NLRP12: variants seen among roughly 807,000 people sequenced by gnomAD.
The protein encoded by NLRP12 is NACHT, LRR and PYD domains-containing protein 12.
Under a neutral mutation model 91.2 loss-of-function variants are expected in NLRP12, and 108 were observed. That is an observed-to-expected ratio of 1.18 (90% CI 1.01 to 1.39). The LOEUF is 1.39. NLRP12 is among the 40% of genes most tolerant of loss of function. The pLI, the probability that NLRP12 is intolerant of heterozygous loss-of-function variation, is 0.00. For synonymous variants in NLRP12, 613 were observed against 566.7 expected, an observed-to-expected ratio of 1.08 and a Z score of -1.16; for missense variants, 1,530 against 1,352.7, an observed-to-expected ratio of 1.13 and a Z score of -2.06.
At chr19:53,818,361 C>T (rs1179530507) in intron 1 of NLRP12, among the ~76,000 whole-genome samples, 1 of 151,678 alleles carries the variant, frequency 6.6e-6, no homozygotes, top group East Asian at 1.9e-4. Context: ...GGTGTGGCCA[C>T]ATTTTTTTTT....
rs58572468 is a variant in NLRP12 at position 53,809,542 on chromosome 19, C to G, written c.2072+45G>C. ...CAAAAAAAAAAAAAAAAAAAAAAAACACACGAACCTAAGCAGCCCCAGGGG... is the reference window on the plus strand; with the variant it reads ...CAAAAAAAAAAAAAAAAAAAAAAAAGACACGAACCTAAGCAGCCCCAGGGG... On this transcript the variant is annotated intron_variant, in intron 3 of 9. Coordinates refer to ENST00000324134, the MANE Select transcript of NLRP12 (RefSeq NM_144687.4). The G allele has an allele frequency of 0.4, 379,211 of 942,532 alleles. 58,167 individuals are homozygous for G. The highest frequency in any genetic ancestry group is 0.64 in the African/African-American group (36,008 of 56,612). 58.4% of individuals were successfully genotyped at this position (942,532 alleles called of 1,614,324 possible).
chr19:53,805,759 C>T, intron 4 of NLRP12: 1 of 389,666 alleles, frequency 2.6e-6, no homozygotes, highest in Non-Finnish European at 4.9e-6. Context: ...TCAAGTGATC[C>T]TCCCCATCTG....
intron 8 of NLRP12, among the ~76,000 whole-genome samples, chr19:53,797,150 G>A (rs898322730): frequency 1.4e-5 from 2 of 144,686 alleles, no homozygotes; most frequent in African/African-American, 5.0e-5. Context: ...TTTTTTTCTC[G>A]AGATGGAGTC....
At chr19:53,823,494 A>AT (rs1203113395) in intron 1 of NLRP12, among the ~76,000 whole-genome samples, 1 of 82,074 alleles carries the variant, frequency 1.2e-5, no homozygotes, top group Non-Finnish European at 2.4e-5. Context: ...TTTAAAATAT[A>AT]TTTATTTAAA....
rs1347986334 is a variant in NLRP12, at chr19:53,810,157, T to C, written c.1502A>G (p.Gln501Arg). 3.7e-6 allele frequency: 6 copies of C among 1,614,088 alleles called. No individual in the cohort carries two copies. Among genetic ancestry groups the C allele is most frequent in the Non-Finnish European group, 5.1e-6 (6 of 1,180,050 alleles). ...VSAFLNMNIF[Q>R]KDINCERYYS... The stretch of plus-strand genomic sequence containing the variant: ...GTACCTCTCACAGTTGATGTCCTTC[T>C]GGAAGATGTTCATGTTGAGGAAGGC... The change falls in exon 3 of 10, where the codon CAG becomes CGG. Residue 501 changes from glutamine (Q) to arginine (R), a missense_variant. Transcript: ENST00000324134.
chr19:53,793,858 T>A lies in NLRP12; in HGVS notation c.*191A>T, dbSNP rs1336340645. 2 of 674,646 alleles carry A rather than the reference T, an allele frequency of 3.0e-6. No individual in the cohort carries two copies. The highest frequency in any genetic ancestry group is 5.4e-5 in the East Asian group (2 of 36,840). The allele number at this position is 674,646 out of a possible 1,614,324, so 41.8% of individuals were successfully genotyped here. ...CCTCGGCCTCTCGAAGTGCTAGGATTACATACATGAGCCACCACGCCTGGC... is the reference window on the plus strand; with the variant it reads ...CCTCGGCCTCTCGAAGTGCTAGGATAACATACATGAGCCACCACGCCTGGC... On this transcript the variant is annotated 3_prime_UTR_variant, in exon 10 of 10. Transcript: ENST00000324134.
chr19:53,822,715 C>T (rs997462871), intron 1 of NLRP12, among the ~76,000 whole-genome samples: 5 of 130,962 alleles, frequency 3.8e-5, no homozygotes, highest in African/African-American at 1.5e-4. Context: ...CCAGCCTGGG[C>T]AACAGAGCGA....
chr19:53,811,014 C>A lies in NLRP12; in HGVS notation c.645G>T (p.Met215Ile). Residue 215 changes from methionine (M) to isoleucine (I), a missense_variant, in exon 3 of 10, where the codon ATG becomes ATT. Coordinates refer to ENST00000324134, the MANE Select transcript of NLRP12 (RefSeq NM_144687.4). ...ERPEPPRTVV[M>I]QGAAGIGKSM... Reference sequence around the variant, plus strand: ...ACTTGCCTATCCCTGCCGCGCCTTGCATGACCACGGTGCGCGGTGGCTCGG... The same window carrying A: ...ACTTGCCTATCCCTGCCGCGCCTTGAATGACCACGGTGCGCGGTGGCTCGG... 6.2e-7 allele frequency: 1 copy of A among 1,613,818 alleles called. No individual in the cohort carries two copies.
rs538453525 is a variant in NLRP12 at position 53,796,237 on chromosome 19, T to A, written c.2928-208A>T. 4.6e-5 allele frequency: 27 copies of A among 589,660 alleles called. No individual in the cohort carries two copies. In the African/African-American group the frequency reaches 4.6e-4, roughly 10 times the overall value. 36.5% of individuals were successfully genotyped at this position (589,660 alleles called of 1,614,324 possible). A position where few individuals can be genotyped will look rare whatever the true frequency, so the allele number is the denominator to read the frequency against. On this transcript the variant is annotated intron_variant, in intron 8 of 9. Coordinates refer to ENST00000324134, the MANE Select transcript of NLRP12 (RefSeq NM_144687.4). ...GTGCACCACCACCAATTAGCATGGC[T>A]AATTTTTGTATCCTTTTATTTTTGT...
chr19:53,819,842 A>C (rs2092240985), intron 1 of NLRP12, among the ~76,000 whole-genome samples: 1 of 150,252 alleles, frequency 6.7e-6, no homozygotes, highest in Non-Finnish European at 1.5e-5. Context: ...AGAAAAAGAG[A>C]GGAGAGGGAG....
chr19:53,804,072 A>G lies in NLRP12; in HGVS notation c.2465T>C (p.Val822Ala). The change falls in exon 6 of 10, where the codon GTG becomes GCG. Residue 822 changes from valine to alanine, a missense_variant. By Grantham distance (64) the Val-to-Ala change is moderately conservative (BLOSUM62 0). Coordinates refer to ENST00000324134, the MANE Select transcript of NLRP12 (RefSeq NM_144687.4). ...AACCAGATGTGGGTTGGTGCCGAGCACAGAAGCCATCTCCTGACAAGCCCC... is the reference window on the plus strand; with the variant it reads ...AACCAGATGTGGGTTGGTGCCGAGCGCAGAAGCCATCTCCTGACAAGCCCC... ...ESGACQEMAS[V>A]LGTNPHLVEL... 2 of 1,614,034 alleles carry G rather than the reference A, an allele frequency of 1.2e-6. No homozygotes were observed. The highest frequency in any genetic ancestry group is 1.7e-6 in the Non-Finnish European group (2 of 1,180,000).
At chr19:53,806,412 G>A (rs559251038) in intron 4 of NLRP12, among the ~76,000 whole-genome samples, 1 of 151,614 alleles carries the variant, frequency 6.6e-6, no homozygotes, top group South Asian at 2.1e-4. Flanking sequence ...GGCTGGGCAC[G>A]GTGGCTCAGT....
At chr19:53,819,803 G>A (rs1023357738) in intron 1 of NLRP12, among the ~76,000 whole-genome samples, 28 of 150,244 alleles carry the variant, frequency 1.9e-4, no homozygotes, top group Admixed American at 1.1e-3. Context: ...CACAACCTCC[G>A]TCTCCTGGGT....
intron 9 of NLRP12, among the ~76,000 whole-genome samples, chr19:53,795,560 GAGACGGGGTTTCGCCATTTT>G (rs1444047130): frequency 6.7e-6 from 1 of 150,072 alleles, no homozygotes; most frequent in Non-Finnish European, 1.5e-5. Context: ...GTTTTTATTA[GAGACGGGGTTTCGCCATTTT>G]AGCCAGGATG....
intron 4 of NLRP12, among the ~76,000 whole-genome samples, chr19:53,806,245 T>C (rs750021191): frequency 3.3e-5 from 5 of 150,768 alleles, no homozygotes; most frequent in Non-Finnish European, 7.4e-5. Flanking sequence ...AAATAACATA[T>C]GAAAAAAATT....
chr19:53,814,675 C>T (rs897356535), intron 2 of NLRP12, among the ~76,000 whole-genome samples: 4 of 152,046 alleles, frequency 2.6e-5, no homozygotes, highest in Non-Finnish European at 5.9e-5. Context: ...GTTGCCCCTG[C>T]GTGTATGAGA....
At chr19:53,812,412 CAAAAAAAAAA>C (rs59986011) in intron 2 of NLRP12, among the ~76,000 whole-genome samples, 2 of 118,532 alleles carry the variant, frequency 1.7e-5, no homozygotes, top group Non-Finnish European at 3.6e-5. Context: ...GACTCTGCCT[CAAAAAAAAAA>C]AAAAAAAATC....
At chr19:53,796,911 G>A (rs1436673308) in intron 8 of NLRP12, among the ~76,000 whole-genome samples, 1 of 33,902 alleles carries the variant, frequency 2.9e-5, no homozygotes, top group East Asian at 4.7e-4. Flanking sequence ...GGAATTGCTT[G>A]AACCCGGGAG....
chr19:53,793,738 C>T (rs1284926613), downstream of NLRP12: 6 of 419,542 alleles, frequency 1.4e-5, no homozygotes, highest in African/African-American at 8.1e-5. Flanking sequence ...GTGCCCGCCA[C>T]CATGCCTGGC....
Sources: allele counts gnomAD v4.1 joint callset (sites outside exome capture counted in the v4.1 genomes callset), GRCh38; gene constraint gnomAD v4.1.1; transcripts MANE v1.5; gene names NCBI Gene and HGNC (gene_info 2026-07-23, HGNC 2026-07-21).